NKAIN3: variants seen among roughly 807,000 people sequenced by gnomAD.
NKAIN3 encodes sodium/potassium-transporting ATPase subunit beta-1-interacting protein 3.
NKAIN3 carries 25 observed loss-of-function variants against 30.2 expected under a neutral mutation model. That is an observed-to-expected ratio of 0.83 (90% CI 0.60 to 1.16). The LOEUF (loss-of-function observed/expected upper bound fraction) is 1.16. NKAIN3 is among the 50% of genes most tolerant of loss of function. The probability of loss-of-function intolerance (pLI) is 0.00; values close to 1 mark genes in which losing one functional copy is unlikely to be tolerated. For synonymous variants in NKAIN3, 91 were observed against 89.6 expected, an observed-to-expected ratio of 1.02 and a Z score of -0.09; for missense variants, 225 against 254.1, an observed-to-expected ratio of 0.89 and a Z score of 0.78.
chr8:62,344,439 G>A (rs976384815), intron 1 of NKAIN3, among the ~76,000 whole-genome samples: 20 of 152,130 alleles, frequency 1.3e-4, no homozygotes, highest in African/African-American at 4.6e-4. Flanking sequence ...ACAGGGAGGA[G>A]AGTGATTAAA....
chr8:62,570,496 G>A (rs1809901672), intron 1 of NKAIN3, among the ~76,000 whole-genome samples: 1 of 152,132 alleles, frequency 6.6e-6, no homozygotes. Context: ...ATGGCTGAAG[G>A]TGAAAGGCAC....
intron 3 of NKAIN3, among the ~76,000 whole-genome samples, chr8:62,592,476 T>A (rs546270555): frequency 2.6e-5 from 4 of 152,024 alleles, no homozygotes; most frequent in Admixed American, 6.6e-5. Context: ...ACCACTCCCA[T>A]AGAGTAACCA....
intron 1 of NKAIN3, among the ~76,000 whole-genome samples, chr8:62,262,035 TA>T (rs924516489): frequency 6.6e-6 from 1 of 151,810 alleles, no homozygotes; most frequent in Non-Finnish European, 1.5e-5. Flanking sequence ...GTGACTGCAT[TA>T]AAAAAAAGAG....
At chr8:62,445,632 A>G (rs1191572728) in intron 1 of NKAIN3, among the ~76,000 whole-genome samples, 1 of 152,202 alleles carries the variant, frequency 6.6e-6, no homozygotes. Flanking sequence ...GAAGCACAAG[A>G]TGCAAGTTCA....
intron 5 of NKAIN3, among the ~76,000 whole-genome samples, chr8:62,923,988 A>G (rs1822362666): frequency 6.6e-6 from 1 of 152,218 alleles, no homozygotes; most frequent in Non-Finnish European, 1.5e-5. Context: ...TACCAGAACC[A>G]GATCCAAGGT....
chr8:62,739,722 G>A (rs1021379298), intron 3 of NKAIN3, among the ~76,000 whole-genome samples: 4 of 152,180 alleles, frequency 2.6e-5, no homozygotes, highest in Admixed American at 6.5e-5. Flanking sequence ...TAAAAGGCTC[G>A]ATAACCTTTA....
At chr8:62,400,680 A>G (rs1191706109) in intron 1 of NKAIN3, among the ~76,000 whole-genome samples, 4 of 146,996 alleles carry the variant, frequency 2.7e-5, no homozygotes, top group Admixed American at 6.9e-5. Flanking sequence ...TGGATATACT[A>G]TTCTACAATA....
chr8:62,594,029 A>T (rs1182889548), intron 3 of NKAIN3, among the ~76,000 whole-genome samples: 1 of 151,984 alleles, frequency 6.6e-6, no homozygotes, highest in Non-Finnish European at 1.5e-5. Context: ...CTTCTTGTTT[A>T]GCAAGTTACT....
chr8:62,341,296 T>C (rs1372293739), intron 1 of NKAIN3, among the ~76,000 whole-genome samples: 2 of 152,070 alleles, frequency 1.3e-5, no homozygotes, highest in Non-Finnish European at 2.9e-5. Context: ...ATGATGTTAA[T>C]TTTATAAAAA....
intron 1 of NKAIN3, among the ~76,000 whole-genome samples, chr8:62,427,728 G>A (rs1804851521): frequency 6.6e-6 from 1 of 151,804 alleles, no homozygotes; most frequent in Admixed American, 6.6e-5. Flanking sequence ...CATAGAAGTT[G>A]TACACATTAT....
Position 62,966,084 on chromosome 8 carries a change from AC to A in NKAIN3, c.*681del, listed in dbSNP as rs1450834177. ...ATGGAAGAGTAAAAGGATTAGTAGA[AC>A]CCCTTTCCCCTTTGGAGGGAATATG... is the stretch of plus-strand genomic sequence containing the variant. On this transcript the variant is annotated 3_prime_UTR_variant, in exon 7 of 7. Transcript: ENST00000623646. 11 of 983,838 alleles carry A rather than the reference AC, an allele frequency of 1.1e-5. No individual in the cohort carries two copies. In the South Asian group the frequency reaches 1.4e-4, roughly 13 times the overall value. 60.9% of individuals were successfully genotyped at this position (983,838 alleles called of 1,614,324 possible). A position where few individuals can be genotyped will look rare whatever the true frequency, so the allele number is the denominator to read the frequency against.
chr8:62,508,265 C>T (rs534864478), intron 1 of NKAIN3, among the ~76,000 whole-genome samples: 54 of 152,142 alleles, frequency 3.5e-4, no homozygotes, highest in Non-Finnish European at 4.9e-4. Flanking sequence ...CATTCCAGTC[C>T]AACCCTTCAC....
intron 3 of NKAIN3, among the ~76,000 whole-genome samples, chr8:62,741,754 A>T (rs1403806800): frequency 6.6e-6 from 1 of 152,162 alleles, no homozygotes; most frequent in Non-Finnish European, 1.5e-5. Flanking sequence ...ATGTCAGGTA[A>T]AACTGATAAT....
intron 4 of NKAIN3, among the ~76,000 whole-genome samples, chr8:62,871,349 G>A (rs1192574873): frequency 6.7e-6 from 1 of 149,556 alleles, no homozygotes; most frequent in Non-Finnish European, 1.5e-5. Flanking sequence ...GTTGCAGTTG[G>A]CCGAGATCTT....
intron 1 of NKAIN3, chr8:62,383,404 C>G: frequency 2.4e-6 from 1 of 414,512 alleles, no homozygotes; most frequent in Non-Finnish European, 4.8e-6. Context: ...CTTTTCCTTC[C>G]TGCATTAGAT....
chr8:62,676,074 C>A (rs1813466341), intron 3 of NKAIN3, among the ~76,000 whole-genome samples: 1 of 152,162 alleles, frequency 6.6e-6, no homozygotes, highest in African/African-American at 2.4e-5. Context: ...TAGATTTCTG[C>A]AGGAAGGATA....
At chr8:62,361,609 A>G in intron 1 of NKAIN3, among the ~76,000 whole-genome samples, 1 of 152,232 alleles carries the variant, frequency 6.6e-6, no homozygotes, top group East Asian at 1.9e-4. Flanking sequence ...AGACAAATGA[A>G]TTATTTAAAA....
At chr8:62,763,587 C>T (rs1212265795) in intron 4 of NKAIN3, among the ~76,000 whole-genome samples, 3 of 152,196 alleles carry the variant, frequency 2.0e-5, no homozygotes, top group East Asian at 1.9e-4. Flanking sequence ...GACAATGAAA[C>T]GTGAACAATT....
chr8:62,633,386 G>A (rs1280603713), intron 3 of NKAIN3, among the ~76,000 whole-genome samples: 3 of 152,068 alleles, frequency 2.0e-5, no homozygotes, highest in South Asian at 2.1e-4. Flanking sequence ...GTTCTTGGAC[G>A]GGGGATTTGT....
Sources: allele counts gnomAD v4.1 joint callset (sites outside exome capture counted in the v4.1 genomes callset), GRCh38; gene constraint gnomAD v4.1.1; transcripts MANE v1.5; gene names NCBI Gene and HGNC (gene_info 2026-07-23, HGNC 2026-07-21).